PDE7A: variants seen among roughly 807,000 people sequenced by gnomAD.
PDE7A encodes the protein phosphodiesterase 7A, also known as high affinity 3',5'-cyclic-AMP phosphodiesterase 7A.
PDE7A carries 39 observed loss-of-function variants against 64.3 expected under a neutral mutation model. The ratio of observed to expected loss-of-function variants is 0.61; its 90% CI spans 0.47 to 0.79. The LOEUF (loss-of-function observed/expected upper bound fraction) is 0.79. Ranked by LOEUF, PDE7A falls within the 30% of genes least tolerant of loss-of-function variation. The pLI, the probability that PDE7A is intolerant of heterozygous loss-of-function variation, is 0.00. For synonymous variants in PDE7A, 203 were observed against 206.8 expected, an observed-to-expected ratio of 0.98 and a Z score of 0.16; for missense variants, 470 against 582.8, an observed-to-expected ratio of 0.81 and a Z score of 1.99.
intron 6 of PDE7A, among the ~76,000 whole-genome samples, chr8:65,737,299 T>A (rs1462964614): frequency 6.6e-6 from 1 of 151,922 alleles, no homozygotes; most frequent in Non-Finnish European, 1.5e-5. Context: ...GGCAACAGGA[T>A]GAAGGGATAA....
chr8:65,740,965 G>T (rs1490658850), intron 5 of PDE7A, among the ~76,000 whole-genome samples: 1 of 152,144 alleles, frequency 6.6e-6, no homozygotes, highest in African/African-American at 2.4e-5. Context: ...TACACGCAAT[G>T]GGGACTGTTT....
chr8:65,725,858 T>G (rs1218079807), intron 9 of PDE7A, among the ~76,000 whole-genome samples: 1 of 151,740 alleles, frequency 6.6e-6, no homozygotes, highest in Non-Finnish European at 1.5e-5. Context: ...TTAATCTGTC[T>G]TAATTTTAAG....
At chr8:65,805,098 C>G (rs990049034) in intron 1 of PDE7A, among the ~76,000 whole-genome samples, 14 of 152,194 alleles carry the variant, frequency 9.2e-5, no homozygotes, top group African/African-American at 2.9e-4. Context: ...CCTGCCTCAG[C>G]CTCCCAAAGT....
At chr8:65,804,790 C>A (rs920225666) in intron 1 of PDE7A, among the ~76,000 whole-genome samples, 1 of 152,152 alleles carries the variant, frequency 6.6e-6, no homozygotes, top group South Asian at 2.1e-4. Flanking sequence ...CTACCCGCCT[C>A]GGCCTCCCAC....
chr8:65,833,603 T>G (rs569323228), intron 1 of PDE7A, among the ~76,000 whole-genome samples: 1 of 152,298 alleles, frequency 6.6e-6, no homozygotes, highest in East Asian at 1.9e-4. Flanking sequence ...GTCTGGAAAC[T>G]CAGTTTATTC....
Position 65,727,155 on chromosome 8 carries a change from T to C in PDE7A, c.828+15A>G. 7.1e-7 allele frequency: 1 copy of C among 1,408,058 alleles called. No individual in the cohort carries two copies. The highest frequency in any genetic ancestry group is 1.2e-5 in the South Asian group (1 of 83,298). The allele number at this position is 1,408,058 out of a possible 1,614,324, so 87.2% of individuals were successfully genotyped here. On this transcript the variant is annotated intron_variant, in intron 8 of 12. Transcript: ENST00000401827. ...ATGCAAAAATAATAAATCTTGATGA[T>C]AAAATTGCACTAACCTTGTATAAAG... is the stretch of plus-strand genomic sequence containing the variant.
At chr8:65,731,890 G>A (rs1454278384) in intron 7 of PDE7A, among the ~76,000 whole-genome samples, 1 of 152,062 alleles carries the variant, frequency 6.6e-6, no homozygotes, top group Non-Finnish European at 1.5e-5. Context: ...CCTTAGTTAT[G>A]TACTGTCCAC....
At chr8:65,791,166 G>C (rs1809691745) in intron 1 of PDE7A, among the ~76,000 whole-genome samples, 1 of 152,180 alleles carries the variant, frequency 6.6e-6, no homozygotes, top group African/African-American at 2.4e-5. Flanking sequence ...TTAAAAAGAG[G>C]AAGTAAGAAA....
intron 3 of PDE7A, among the ~76,000 whole-genome samples, chr8:65,775,693 T>C (rs534030122): frequency 1.8e-4 from 28 of 152,356 alleles, no homozygotes; most frequent in Admixed American, 5.9e-4. Context: ...AGTGGTGTGA[T>C]CTTGGCTAAC....
chr8:65,841,312 T>C, intron 1 of PDE7A, 59 bp downstream of exon 1: 1 of 1,422,510 alleles, frequency 7.0e-7, no homozygotes, highest in Non-Finnish European at 9.2e-7. Context: ...TGAAGCTGGG[T>C]GGGCAGAGGG....
intron 7 of PDE7A, chr8:65,731,568 A>C (rs954062344): frequency 2.0e-5 from 3 of 152,256 alleles, no homozygotes; most frequent in African/African-American, 7.2e-5. Context: ...TACCAGTGTC[A>C]ATCAATCAAG....
Position 65,796,760 on chromosome 8 carries a change from T to A in PDE7A, c.139-13917A>T, listed in dbSNP as rs77247262. 9.4e-3 allele frequency among the ~76,000 whole-genome samples: 1,428 copies of A among 152,276 alleles called. 9 individuals carry two copies. The highest frequency in any genetic ancestry group is 0.045 in the East Asian group (232 of 5,188). ...CATTGTACTTAACAATAAGACTAAA[T>A]ATTTTTGCCCTAAGATCACAAGCAA... On this transcript the variant is annotated intron_variant, in intron 1 of 12. Transcript: ENST00000401827.
At chr8:65,821,994 T>C (rs1052956319) in intron 1 of PDE7A, among the ~76,000 whole-genome samples, 4 of 152,220 alleles carry the variant, frequency 2.6e-5, no homozygotes, top group African/African-American at 9.6e-5. Context: ...CAGAATTTTA[T>C]AACCACTGCC....
At chr8:65,807,090 A>C (rs1291939198) in intron 1 of PDE7A, among the ~76,000 whole-genome samples, 1 of 152,198 alleles carries the variant, frequency 6.6e-6, no homozygotes, top group African/African-American at 2.4e-5. Flanking sequence ...TGGGATTCTG[A>C]AAGGGACTAT....
At chr8:65,743,641 C>G (rs1302946518) in intron 5 of PDE7A, among the ~76,000 whole-genome samples, 1 of 152,182 alleles carries the variant, frequency 6.6e-6, no homozygotes, top group Non-Finnish European at 1.5e-5. Context: ...AAAAGACCCA[C>G]ATTGATTCTC....
At chr8:65,807,515 T>G (rs185298417) in intron 1 of PDE7A, among the ~76,000 whole-genome samples, 5,639 of 152,256 alleles carry the variant, frequency 0.037, 148 homozygotes, top group African/African-American at 0.075. Flanking sequence ...TCTGGATGTT[T>G]TTTTTATTTT....
At chr8:65,837,301 G>A (rs952131132) in intron 1 of PDE7A, among the ~76,000 whole-genome samples, 1 of 152,204 alleles carries the variant, frequency 6.6e-6, no homozygotes, top group Non-Finnish European at 1.5e-5. Flanking sequence ...CTTGGTTAGG[G>A]TGGCAGTGTT....
At chr8:65,798,576 C>T (rs951719954) in intron 1 of PDE7A, among the ~76,000 whole-genome samples, 1 of 152,226 alleles carries the variant, frequency 6.6e-6, no homozygotes, top group African/African-American at 2.4e-5. Flanking sequence ...AAGATTTAAA[C>T]AGACGAGTCA....
chr8:65,835,271 C>T (rs1810924016), intron 1 of PDE7A, among the ~76,000 whole-genome samples: 1 of 152,294 alleles, frequency 6.6e-6, no homozygotes, highest in South Asian at 2.1e-4. Context: ...CTGAAAAGAT[C>T]TTTAGTCAAG....
Sources: gnomAD v4.1 joint callset for allele counts (sites outside exome capture counted in the v4.1 genomes callset) on GRCh38, gnomAD v4.1.1 for gene constraint, MANE v1.5 for transcripts, NCBI Gene and HGNC (gene_info 2026-07-23, HGNC 2026-07-21) for gene names.